TCF12: variants seen among roughly 807,000 people sequenced by gnomAD.
TCF12 encodes transcription factor 12.
TCF12 carries 45 observed loss-of-function variants against 86.0 expected under a neutral mutation model. That is an observed-to-expected ratio of 0.52 (90% CI 0.41 to 0.67). The LOEUF is 0.67. TCF12 is among the 30% of genes least tolerant of loss of function. The pLI, the probability that TCF12 is intolerant of heterozygous loss-of-function variation, is 0.00. For missense variants in TCF12, 881 were observed against 859.9 expected (o/e 1.02, Z -0.31); for synonymous variants, 330 against 299.6 (o/e 1.10, Z -1.05).
intron 3 of TCF12, among the ~76,000 whole-genome samples, chr15:57,033,330 T>C (rs1195002234): frequency 6.6e-6 from 1 of 152,156 alleles, no homozygotes; most frequent in African/African-American, 2.4e-5. Flanking sequence ...AAAAAGTCAA[T>C]TTTACCACAT....
chr15:57,282,338 A>T, intron 19 of TCF12, 107 bp from the exon 20 acceptor site: 1 of 1,313,524 alleles, frequency 7.6e-7, no homozygotes, highest in Non-Finnish European at 1.1e-6. Context: ...ATGTGATGGT[A>T]CTTAGTATGG....
chr15:57,170,639 TATAATATATATATTATATAAAATATATA>T lies in TCF12; in HGVS notation c.390+4174_390+4201del, dbSNP rs1567557067. Among the ~76,000 whole-genome samples the T allele has an allele frequency of 3.2e-3, 118 of 36,936 alleles. 3 individuals carry two copies. The highest frequency in any genetic ancestry group is 0.026 in the Middle Eastern group (2 of 78). The allele number at this position is 36,936 out of a possible 152,430, so 24.2% of individuals were successfully genotyped here. ...ATGCCCTGCTAATTTTATATATATA[TATAATATATATATTATATAAAATATATA>T]TATATATAATATATTATATATAATA... On this transcript the variant is annotated intron_variant, in intron 6 of 20. Transcript: ENST00000333725.
In TCF12 at chr15:56,955,768, C is replaced by G. The variant is rs565347631; in HGVS notation, c.148+34670C>G. On this transcript the variant is annotated intron_variant, in intron 3 of 20. Transcript: ENST00000333725. ...AGTGATTTTAGTTTGTAGTGTTGTT[C>G]AAGTCTTTCATGTTCTTTTTTATTT... Among the ~76,000 whole-genome samples the G allele has an allele frequency of 1.1e-4, 16 of 152,072 alleles. No individual in the cohort carries two copies. In the East Asian group the frequency reaches 2.7e-3, roughly 26 times the overall value.
intron 3 of TCF12, among the ~76,000 whole-genome samples, chr15:56,993,714 G>A (rs2063563218): frequency 6.6e-6 from 1 of 152,162 alleles, no homozygotes; most frequent in Admixed American, 6.5e-5. Context: ...CTGGAACCAT[G>A]GCTATAGAAG....
intron 3 of TCF12, among the ~76,000 whole-genome samples, chr15:56,965,129 C>T (rs1383113344): frequency 6.6e-6 from 1 of 152,132 alleles, no homozygotes; most frequent in Non-Finnish European, 1.5e-5. Flanking sequence ...GCACTTAATT[C>T]TTATGTGAAA....
chr15:56,928,120 G>A (rs78784612), intron 3 of TCF12, among the ~76,000 whole-genome samples: 4,438 of 152,212 alleles, frequency 0.029, 186 homozygotes, highest in African/African-American at 0.089. Context: ...GATTGGAATC[G>A]ATGACTTGCA....
chr15:57,099,821 C>A (rs2049597455), intron 5 of TCF12, among the ~76,000 whole-genome samples: 1 of 151,410 alleles, frequency 6.6e-6, no homozygotes, highest in African/African-American at 2.4e-5. Flanking sequence ...TCAAAGCAAT[C>A]AACTGTGGCT....
intron 7 of TCF12, among the ~76,000 whole-genome samples, chr15:57,196,238 T>C (rs1374014325): frequency 6.6e-6 from 1 of 152,194 alleles, no homozygotes; most frequent in African/African-American, 2.4e-5. Context: ...CTTGTTATTA[T>C]TCCCTGAACA....
intron 3 of TCF12, among the ~76,000 whole-genome samples, chr15:56,922,515 T>G (rs1239900488): frequency 6.6e-6 from 1 of 152,042 alleles, no homozygotes; most frequent in Admixed American, 6.5e-5. Flanking sequence ...ATATAGATTA[T>G]AAGCATGGCA....
At chr15:57,035,840 C>A (rs2566855) in intron 3 of TCF12, among the ~76,000 whole-genome samples, 3 of 152,130 alleles carry the variant, frequency 2.0e-5, no homozygotes, top group Non-Finnish European at 2.9e-5. Context: ...TGGGAAACCC[C>A]GTTGCACCGC....
intron 3 of TCF12, among the ~76,000 whole-genome samples, chr15:57,063,113 C>T (rs964144597): frequency 2.6e-5 from 4 of 152,134 alleles, no homozygotes; most frequent in African/African-American, 9.7e-5. Flanking sequence ...CTTTTGCCAC[C>T]TTCATAAGAG....
chr15:57,158,275 C>A (rs1312770166), intron 5 of TCF12, among the ~76,000 whole-genome samples: 2 of 146,576 alleles, frequency 1.4e-5, no homozygotes, highest in African/African-American at 4.9e-5. Flanking sequence ...ACTTCCTGGG[C>A]TCAGGTGATT....
At chr15:56,924,656 T>C (rs2059927168) in intron 3 of TCF12, among the ~76,000 whole-genome samples, 1 of 152,214 alleles carries the variant, frequency 6.6e-6, no homozygotes. Flanking sequence ...TATTGAGCCA[T>C]GTTAGACATT....
chr15:56,948,220 G>T (rs1567148255), intron 3 of TCF12, among the ~76,000 whole-genome samples: 1 of 151,906 alleles, frequency 6.6e-6, no homozygotes, highest in African/African-American at 2.4e-5. Context: ...CTCCTGGGCT[G>T]AATTGATCCT....
At chr15:57,026,281 A>G (rs1265574807) in intron 3 of TCF12, among the ~76,000 whole-genome samples, 4 of 152,246 alleles carry the variant, frequency 2.6e-5, no homozygotes, top group East Asian at 3.8e-4. Flanking sequence ...TAGTGTGCCA[A>G]ACTCTTCTCT....
intron 5 of TCF12, among the ~76,000 whole-genome samples, chr15:57,127,924 A>G (rs1165424515): frequency 6.6e-6 from 1 of 152,180 alleles, no homozygotes; most frequent in East Asian, 1.9e-4. Context: ...ACATCGGAAT[A>G]TCTAATTCTG....
In TCF12 at chr15:57,289,508, GTCT is replaced by G. The variant is rs2062034993; in HGVS notation, c.*3366_*3368del. 6.6e-6 allele frequency: 1 copy of G among 151,930 alleles called. No homozygotes were observed. The allele number at this position is 151,930 out of a possible 1,614,324, so 9.4% of individuals were successfully genotyped here. ...GATTTCTAGGCCGCTTCTGCTCAGT[GTCT>G]TCATTTTCTTCCATATTTGTTTTAT... On this transcript the variant is annotated 3_prime_UTR_variant, in exon 21 of 21. Coordinates refer to ENST00000333725, the MANE Select transcript of TCF12 (RefSeq NM_207037.2).
chr15:56,970,373 G>A (rs1004493213), intron 3 of TCF12, among the ~76,000 whole-genome samples: 1 of 151,204 alleles, frequency 6.6e-6, no homozygotes, highest in East Asian at 2.0e-4. Flanking sequence ...CCAGCTACTC[G>A]GGAGGTTGAT....
intron 5 of TCF12, among the ~76,000 whole-genome samples, chr15:57,136,223 T>C (rs1397446756): frequency 6.6e-6 from 1 of 152,238 alleles, no homozygotes; most frequent in East Asian, 1.9e-4. Context: ...TAAAAATTGC[T>C]GACATCTTTG....
Sources: gnomAD v4.1 joint callset for allele counts (sites outside exome capture counted in the v4.1 genomes callset) on GRCh38, gnomAD v4.1.1 for gene constraint, MANE v1.5 for transcripts, NCBI Gene and HGNC (gene_info 2026-07-23, HGNC 2026-07-21) for gene names.